SYNE1: variants seen among roughly 807,000 people sequenced by gnomAD.
The protein encoded by SYNE1 is spectrin repeat containing nuclear envelope protein 1.
Under a neutral mutation model 1,111.0 loss-of-function variants are expected in SYNE1, and 616 were observed. That is an observed-to-expected ratio of 0.55 (90% confidence interval 0.52 to 0.59). The LOEUF (loss-of-function observed/expected upper bound fraction) is 0.59, where lower values mean the gene tolerates loss of function less well. Ranked by LOEUF, SYNE1 falls within the 20% of genes least tolerant of loss-of-function variation. The probability of loss-of-function intolerance (pLI) is 0.00; values close to 1 mark genes in which losing one functional copy is unlikely to be tolerated. For synonymous variants in SYNE1, 3,855 were observed against 3,825.8 expected (o/e 1.01, Z -0.28); for missense variants, 10,006 against 10,417.0 (o/e 0.96, Z 1.72).
At chr6:152,580,068 A>C (rs1325898704) in intron 3 of SYNE1, among the ~76,000 whole-genome samples, 3 of 152,166 alleles carry the variant, frequency 2.0e-5, no homozygotes, top group Non-Finnish European at 2.9e-5. Flanking sequence ...ATTCTGCTTT[A>C]AGTTGTTGGA....
intron 3 of SYNE1, among the ~76,000 whole-genome samples, chr6:152,579,309 CT>C: frequency 6.6e-6 from 1 of 152,194 alleles, no homozygotes; most frequent in East Asian, 1.9e-4. Context: ...AAAGTTCTGT[CT>C]GGCTCTTTCT....
intron 129 of SYNE1, among the ~76,000 whole-genome samples, chr6:152,177,993 T>C (rs2066911446): frequency 6.6e-6 from 1 of 151,998 alleles, no homozygotes; most frequent in African/African-American, 2.4e-5. Context: ...CTTGATGTTA[T>C]TTTCCTTTAC....
chr6:152,317,998 T>A, intron 86 of SYNE1, 83 bp downstream of exon 86: 1 of 1,543,222 alleles, frequency 6.5e-7, no homozygotes, highest in Non-Finnish European at 8.9e-7. Context: ...TTTTTATTTA[T>A]GTTAATTTAT....
chr6:152,626,513 A>G (rs554574207), intron 3 of SYNE1, among the ~76,000 whole-genome samples: 1 of 152,160 alleles, frequency 6.6e-6, no homozygotes, highest in Non-Finnish European at 1.5e-5. Flanking sequence ...GCATCTACCC[A>G]GGTGAAGATG....
Position 152,249,248 on chromosome 6 carries a change from C to G in SYNE1, c.19485G>C (p.Val6495=), listed in dbSNP as rs769732248. ...TGTTGTCAGCCAGTGATGTAAACAGCACTTTCAGATCATTCTAAGGAGGAA... is the reference window on the plus strand; with the variant it reads ...TGTTGTCAGCCAGTGATGTAAACAGGACTTTCAGATCATTCTAAGGAGGAA... The part of the protein sequence containing the change: ...QILNFQNDLK[V]LFTSLADNKY... The change falls in exon 105 of 146, where the codon GTG becomes GTC. Residue 6495 remains valine, a synonymous_variant. Transcript: ENST00000367255. 6.2e-7 allele frequency: 1 copy of G among 1,611,672 alleles called. No homozygotes were observed. Among genetic ancestry groups the G allele is most frequent in the Non-Finnish European group, 8.5e-7 (1 of 1,177,818 alleles).
At chr6:152,420,543 C>T (rs1263183574) in intron 39 of SYNE1, among the ~76,000 whole-genome samples, 2 of 152,118 alleles carry the variant, frequency 1.3e-5, no homozygotes, top group Non-Finnish European at 2.9e-5. Context: ...TTGCTTGAAC[C>T]TAGGAGGTAG....
chr6:152,180,512 G>A (rs1278881728), intron 128 of SYNE1, among the ~76,000 whole-genome samples: 1 of 152,094 alleles, frequency 6.6e-6, no homozygotes, highest in African/African-American at 2.4e-5. Context: ...CTTATTAAAG[G>A]TTCTGGATAA....
intron 30 of SYNE1, 23 bp downstream of exon 30, chr6:152,444,388 T>C: frequency 6.2e-7 from 1 of 1,612,300 alleles, no homozygotes. Flanking sequence ...CATAATCTTG[T>C]TGGAAGAAAG....
At chr6:152,269,046 G>A in intron 99 of SYNE1, 109 bp downstream of exon 99, 1 of 1,515,666 alleles carries the variant, frequency 6.6e-7, no homozygotes, top group Non-Finnish European at 9.1e-7. Flanking sequence ...AAGATAAAGA[G>A]ACACTCTGTC....
At chr6:152,208,995 T>C (rs924509991) in intron 124 of SYNE1, among the ~76,000 whole-genome samples, 1 of 152,230 alleles carries the variant, frequency 6.6e-6, no homozygotes, top group African/African-American at 2.4e-5. Flanking sequence ...GGTAGTTCTT[T>C]ATTACGTTTT....
chr6:152,556,926 G>A (rs1477584240), intron 3 of SYNE1, among the ~76,000 whole-genome samples: 3 of 152,054 alleles, frequency 2.0e-5, no homozygotes, highest in Non-Finnish European at 4.4e-5. Flanking sequence ...CACTACCAAA[G>A]GGGCAAGTAA....
chr6:152,481,834 C>T (rs951594177), intron 14 of SYNE1, among the ~76,000 whole-genome samples: 12 of 150,926 alleles, frequency 8.0e-5, no homozygotes, highest in African/African-American at 2.7e-4. Flanking sequence ...TAGCTGCCCC[C>T]ACTTTAGGGC....
At position 152,221,965 on chromosome 6, in the gene SYNE1, C is replaced by T. The variant is rs1357994987; in HGVS notation, c.21523-406G>A. On this transcript the variant is annotated intron_variant, in intron 117 of 145. Coordinates refer to ENST00000367255, the MANE Select transcript of SYNE1 (RefSeq NM_182961.4). The stretch of plus-strand genomic sequence containing the variant: ...TCTTGTTTCTGGCCTGTGAGCAGCC[C>T]TCCTGCTCTTGTTGTGTCCTGACTT... Among the ~76,000 whole-genome samples the T allele has an allele frequency of 2.0e-5, 3 of 152,294 alleles. No individual in the cohort carries two copies. In the East Asian group the frequency reaches 5.8e-4, roughly 29 times the overall value.
intron 3 of SYNE1, among the ~76,000 whole-genome samples, chr6:152,548,446 C>A (rs753554603): frequency 6.6e-6 from 1 of 152,202 alleles, no homozygotes; most frequent in Non-Finnish European, 1.5e-5. Context: ...TCTCTCACTC[C>A]TTGGACAGAA....
chr6:152,455,701 C>T (rs186457402), intron 23 of SYNE1, 111 bp from the exon 24 acceptor site: 1,420 of 1,460,164 alleles, frequency 9.7e-4, no homozygotes, highest in Non-Finnish European at 1.3e-3. Context: ...GACATTTCAT[C>T]ATCATGGGAA....
At position 152,584,154 on chromosome 6, in the gene SYNE1, A is replaced by T. The variant is rs1022645690; in HGVS notation, c.67+44111T>A. Among the ~76,000 whole-genome samples the T allele has an allele frequency of 1.1e-4, 16 of 152,170 alleles. 1 individual carries two copies. In the Middle Eastern group the frequency reaches 0.01, roughly 97 times the overall value. On this transcript the variant is annotated intron_variant, in intron 3 of 145. Coordinates refer to ENST00000367255, the MANE Select transcript of SYNE1 (RefSeq NM_182961.4). ...ATCTGCTAAATCGGGGAGCACAATA[A>T]TTAAAGTTTTCCTTAGGGTTCTGGT...
intron 98 of SYNE1, among the ~76,000 whole-genome samples, chr6:152,277,097 A>C (rs886825597): frequency 1.3e-5 from 2 of 151,278 alleles, no homozygotes; most frequent in African/African-American, 4.8e-5. Context: ...TCACCGTGTT[A>C]GCCAGGATGG....
chr6:152,241,029 A>G (rs1353865449), intron 107 of SYNE1, among the ~76,000 whole-genome samples: 1 of 152,218 alleles, frequency 6.6e-6, no homozygotes, highest in Non-Finnish European at 1.5e-5. Context: ...CATCTCCCCT[A>G]AAAGCCTTGG....
intron 124 of SYNE1, 24 bp from the exon 125 acceptor site, chr6:152,208,230 T>C: frequency 1.2e-6 from 2 of 1,604,136 alleles, no homozygotes; most frequent in Non-Finnish European, 1.7e-6. Context: ...AATTACATGG[T>C]AAAAAAGCAC....
Sources: allele counts gnomAD v4.1 joint callset (sites outside exome capture counted in the v4.1 genomes callset), GRCh38; gene constraint gnomAD v4.1.1; transcripts MANE v1.5; gene names NCBI Gene and HGNC (gene_info 2026-07-23, HGNC 2026-07-21).